SORL1: variants seen among roughly 807,000 people sequenced by gnomAD.
The protein encoded by SORL1 is sortilin related receptor 1, also known as sortilin-related receptor.
A neutral mutation model predicts 273.7 loss-of-function variants in SORL1; 127 were observed. That is an observed-to-expected ratio of 0.46 (90% CI 0.40 to 0.54). The LOEUF (loss-of-function observed/expected upper bound fraction) is 0.54, where lower values mean the gene tolerates loss of function less well. Among genes scored for constraint, SORL1 ranks in the 20% least tolerant of loss-of-function variants. SORL1 has a pLI of 0.00. For missense variants in SORL1, 2,494 were observed against 2,846.1 expected (o/e 0.88, Z 2.81); for synonymous variants, 1,031 against 1,067.4 (o/e 0.97, Z 0.66).
Position 121,496,961 on chromosome 11 carries a change from T to A in SORL1, c.851T>A (p.Phe284Tyr). ...YSTVFRSTDF[F>Y]QSRENQEVIL... ...ACTGTCTTCCGAAGTACAGATTTCT[T>A]CCAGTCCCGGGAAAACCAGGAAGTG... The change falls in exon 6 of 48, where the codon TTC becomes TAC. Residue 284 changes from phenylalanine to tyrosine, a missense_variant. By Grantham distance (22) the Phe-to-Tyr change is conservative. This residue lies in a region of SORL1 where 710 missense variants were observed against 882.5 expected (regional missense o/e 0.80). Transcript: ENST00000260197. 8 of 1,614,114 alleles carry A rather than the reference T, an allele frequency of 5.0e-6. No individual in the cohort carries two copies. Among genetic ancestry groups the A allele is most frequent in the Non-Finnish European group, 6.8e-6 (8 of 1,179,990 alleles).
rs1410055942 is a variant in SORL1, at chr11:121,631,748, C to G, written c.*2185C>G. 6.6e-6 allele frequency: 1 copy of G among 152,196 alleles called. No homozygotes were observed. Among genetic ancestry groups the G allele is most frequent in the Non-Finnish European group, 1.5e-5 (1 of 68,048 alleles). The allele number at this position is 152,196 out of a possible 1,614,324, so 9.4% of individuals were successfully genotyped here. A position where few individuals can be genotyped will look rare whatever the true frequency, so the allele number is the denominator to read the frequency against. On this transcript the variant is annotated 3_prime_UTR_variant, in exon 48 of 48. Transcript: ENST00000260197. ...CAGTACTGTAGACTGGCCATCACCC[C>G]TCTCCTTGGAAAATGCCACTGTGCT... is the stretch of plus-strand genomic sequence containing the variant.
intron 14 of SORL1, among the ~76,000 whole-genome samples, chr11:121,549,413 G>A (rs193110219): frequency 7.9e-5 from 12 of 152,054 alleles, no homozygotes; most frequent in African/African-American, 2.7e-4. Flanking sequence ...TTTTTGTAGA[G>A]ACAGGGTCTT....
intron 8 of SORL1, among the ~76,000 whole-genome samples, chr11:121,519,786 T>C (rs753753626): frequency 6.6e-6 from 1 of 152,210 alleles, no homozygotes; most frequent in Non-Finnish European, 1.5e-5. Flanking sequence ...GATTTCTGTT[T>C]TTGAAGGCTC....
At chr11:121,483,153 A>G (rs1281279705) in intron 3 of SORL1, among the ~76,000 whole-genome samples, 1 of 152,258 alleles carries the variant, frequency 6.6e-6, no homozygotes, top group African/African-American at 2.4e-5. Flanking sequence ...GGGCACAATC[A>G]TAGCTCACTG....
intron 6 of SORL1, among the ~76,000 whole-genome samples, chr11:121,502,273 C>T (rs1390952323): frequency 6.6e-6 from 1 of 151,348 alleles, no homozygotes; most frequent in African/African-American, 2.4e-5. Context: ...GTAGCTGGGA[C>T]TACAGGTGCC....
intron 3 of SORL1, among the ~76,000 whole-genome samples, chr11:121,478,690 G>A (rs1173645990): frequency 6.6e-6 from 1 of 151,920 alleles, no homozygotes; most frequent in South Asian, 2.1e-4. Flanking sequence ...ACCTGTGTGC[G>A]TGTGGGTACC....
At chr11:121,536,427 G>GTTTTT (rs1222441901) in intron 12 of SORL1, among the ~76,000 whole-genome samples, 3 of 128,640 alleles carry the variant, frequency 2.3e-5, no homozygotes, top group Admixed American at 7.8e-5. Context: ...TTATCACTGT[G>GTTTTT]TTTTTTTTTT....
At position 121,543,650 on chromosome 11, in the gene SORL1, CTTCA is replaced by C. The variant is rs1484933980; in HGVS notation, c.1789_1792del (p.Phe597ProfsTer14). 6.2e-7 allele frequency: 1 copy of C among 1,614,204 alleles called. No homozygotes were observed. Among genetic ancestry groups the C allele is most frequent in the South Asian group, 1.1e-5 (1 of 91,084 alleles). On this transcript the variant is annotated frameshift_variant, in exon 13 of 48. Transcript: ENST00000260197. LOFTEE classifies it high-confidence loss of function. ...CAGAACCTGGGGAGAAGAGCACTGT[CTTCA>C]CCATCTTTGGCTCGAACAAAGAGAA...
At chr11:121,492,458 G>A (rs990364283) in intron 5 of SORL1, among the ~76,000 whole-genome samples, 1 of 152,144 alleles carries the variant, frequency 6.6e-6, no homozygotes, top group African/African-American at 2.4e-5. Flanking sequence ...CCAATCTCCT[G>A]TACTGTGTTC....
intron 11 of SORL1, among the ~76,000 whole-genome samples, chr11:121,526,513 T>C (rs1299378831): frequency 1.3e-5 from 2 of 152,212 alleles, no homozygotes; most frequent in Admixed American, 1.3e-4. Context: ...GGGATTTTTA[T>C]TATAATTGCC....
chr11:121,512,938 T>G, intron 6 of SORL1, 65 bp from the exon 7 acceptor site: 1 of 1,098,848 alleles, frequency 9.1e-7, no homozygotes, highest in Non-Finnish European at 1.4e-6. Flanking sequence ...CTATTTTTAT[T>G]TTTGCTGCTT....
chr11:121,539,255 C>T (rs545137963), intron 12 of SORL1, among the ~76,000 whole-genome samples: 95 of 152,302 alleles, frequency 6.2e-4, no homozygotes, highest in Non-Finnish European at 1.1e-3. Flanking sequence ...AGAATTACCA[C>T]GAGGAAAGGA....
intron 11 of SORL1, among the ~76,000 whole-genome samples, chr11:121,526,103 T>G (rs1467784783): frequency 6.6e-6 from 1 of 152,220 alleles, no homozygotes; most frequent in Non-Finnish European, 1.5e-5. Flanking sequence ...GTAGGAGTTT[T>G]TTTAAAAATA....
At chr11:121,527,296 CATTA>C (rs1188507091) in intron 11 of SORL1, among the ~76,000 whole-genome samples, 1 of 151,628 alleles carries the variant, frequency 6.6e-6, no homozygotes, top group Non-Finnish European at 1.5e-5. Context: ...TTAAATATTA[CATTA>C]ATTAATTCTT....
chr11:121,541,815 C>T (rs990716583), intron 12 of SORL1, among the ~76,000 whole-genome samples: 5 of 152,162 alleles, frequency 3.3e-5, no homozygotes, highest in African/African-American at 9.7e-5. Flanking sequence ...TCTCCTTCTT[C>T]GACACCAAAG....
At chr11:121,468,351 C>T (rs1053298032) in intron 1 of SORL1, among the ~76,000 whole-genome samples, 1 of 152,172 alleles carries the variant, frequency 6.6e-6, no homozygotes, top group Non-Finnish European at 1.5e-5. Flanking sequence ...TCTCAGACAT[C>T]GCTCAGCAAG....
At chr11:121,463,322 CCA>C (rs1034434331) in intron 1 of SORL1, among the ~76,000 whole-genome samples, 2 of 151,706 alleles carry the variant, frequency 1.3e-5, no homozygotes, top group Middle Eastern at 3.4e-3. Flanking sequence ...AGAGAGTTTT[CCA>C]CAGTTTCTTT....
intron 11 of SORL1, among the ~76,000 whole-genome samples, chr11:121,526,262 T>C (rs1862122966): frequency 6.6e-6 from 1 of 152,096 alleles, no homozygotes; most frequent in South Asian, 2.1e-4. Flanking sequence ...CAATTGGCCA[T>C]ATATGGGCCA....
In SORL1 at chr11:121,457,204, G is replaced by A. The variant is rs74317692; in HGVS notation, c.285+4588G>A. On this transcript the variant is annotated intron_variant, in intron 1 of 47. Transcript: ENST00000260197. ...TAGAGGCACAGAAGGTGGAGGCTTT[G>A]CGAGGGGGAAGGAATGGAGGAAAGG... is the stretch of plus-strand genomic sequence containing the variant. Among the ~76,000 whole-genome samples the A allele has an allele frequency of 3.7e-4, 56 of 152,258 alleles. 2 individuals carry two copies. In the East Asian group the frequency reaches 9.1e-3, roughly 25 times the overall value.
Sources: allele counts gnomAD v4.1 joint callset (sites outside exome capture counted in the v4.1 genomes callset), GRCh38; gene constraint gnomAD v4.1.1; regional missense constraint gnomAD v4.1.1; transcripts MANE v1.5; gene names NCBI Gene and HGNC (gene_info 2026-07-23, HGNC 2026-07-21).